The following ARHGEF40 variants were observed in gnomAD, a reference collection of about 807,000 sequenced individuals.
ARHGEF40 encodes the protein Rho guanine nucleotide exchange factor (GEF) 40.
In ARHGEF40, 98 loss-of-function variants were observed where a neutral mutation model predicts 165.9. The observed-to-expected ratio is 0.59, with a 90% CI of 0.50 to 0.70. The LOEUF is 0.70. ARHGEF40 is among the 30% of genes least tolerant of loss of function. ARHGEF40 has a pLI of 0.00. For synonymous variants in ARHGEF40, 792 were observed against 814.3 expected, an observed-to-expected ratio of 0.97 and a Z score of 0.47; for missense variants, 1,815 against 1,968.0, an observed-to-expected ratio of 0.92 and a Z score of 1.47.
At chr14:21,062,051 T>G in the ARHGEF40 span, among the ~76,000 whole-genome samples, 1 of 152,218 alleles carries the variant, frequency 6.6e-6, no homozygotes, top group Non-Finnish European at 1.5e-5. Context: ...TGAATACAAT[T>G]CTTTAAAGTG....
In ARHGEF40 at chr14:21,072,572, G is replaced by A. The variant is rs1210157261; in HGVS notation, c.4-473G>A. Among the ~76,000 whole-genome samples, 1 of 152,158 alleles carries A rather than the reference G, an allele frequency of 6.6e-6. No homozygotes were observed. The highest frequency in any genetic ancestry group is 1.5e-5 in the Non-Finnish European group (1 of 68,030). On this transcript the variant is annotated intron_variant, in intron 1 of 23. Coordinates refer to ENST00000298694, the MANE Select transcript of ARHGEF40 (RefSeq NM_018071.5). This position sits in a 1 kb window ranked among gnomAD's most constrained non-coding sequence, Gnocchi z 4.1. The stretch of plus-strand genomic sequence containing the variant: ...TCATCTCTGGGACATAATTGTGGGT[G>A]ATGGCACCTCCACCTAAGATGGGGA...
At position 21,089,872 on chromosome 14, in the gene ARHGEF40, G is replaced by A. The variant is rs894406676; in HGVS notation, c.*864G>A. ...AAATGAGGTCCTCAGGCCACAGTGCGTGAGAACTTGCTTGGCTGTTTGTTA... is the reference window on the plus strand; with the variant it reads ...AAATGAGGTCCTCAGGCCACAGTGCATGAGAACTTGCTTGGCTGTTTGTTA... On this transcript the variant is annotated 3_prime_UTR_variant, in exon 24 of 24. Coordinates refer to ENST00000298694, the MANE Select transcript of ARHGEF40 (RefSeq NM_018071.5). 7 of 200,354 alleles carry A rather than the reference G, an allele frequency of 3.5e-5. No individual in the cohort carries two copies. The highest frequency in any genetic ancestry group is 8.0e-5 in the South Asian group (1 of 12,498). The allele number at this position is 200,354 out of a possible 1,614,324, so 12.4% of individuals were successfully genotyped here.
Position 21,081,796 on chromosome 14 carries a change from AG to A in ARHGEF40, c.2932del (p.Ala978ProfsTer59). The A allele has an allele frequency of 6.2e-7, 1 of 1,600,380 alleles. No individual in the cohort carries two copies. The highest frequency in any genetic ancestry group is 8.5e-7 in the Non-Finnish European group (1 of 1,174,720). On this transcript the variant is annotated frameshift_variant, in exon 14 of 24. Coordinates refer to ENST00000298694, the MANE Select transcript of ARHGEF40 (RefSeq NM_018071.5). LOFTEE classifies it high-confidence loss of function. ...GGCGGGCAGACGGTGCCAGCAGTGG[AG>A]GGGCCCAGTGGGGGCCCCGCAGCCC... ...RRRADGASSG[G>X]AQWGPRSPSP...
At chr14:21,084,672 C>A in intron 17 of ARHGEF40, 81 bp from the exon 18 acceptor site, 1 of 1,474,696 alleles carries the variant, frequency 6.8e-7, no homozygotes, top group South Asian at 1.3e-5. Context: ...AGGCCACTTG[C>A]CCTATAAATC....
At position 21,074,909 on chromosome 14, in the gene ARHGEF40, A is replaced by T; in HGVS notation, c.1179A>T (p.Arg393=). 6.2e-7 allele frequency: 1 copy of T among 1,608,418 alleles called. No individual in the cohort carries two copies. Among genetic ancestry groups the T allele is most frequent in the South Asian group, 1.1e-5 (1 of 90,478 alleles). The change falls in exon 3 of 24, where the codon CGA becomes CGT. Residue 393 remains arginine, a synonymous_variant. Transcript: ENST00000298694. The surrounding 1 kb of genome is among the most constrained non-coding windows in gnomAD (Gnocchi z 4.8). ...KRAAGRGALS[R]GGDSAPLSPG... ...CTGCAGGTCGAGGGGCTCTTAGCCG[A>T]GGAGGGGACAGTGCCCCACTGAGCC...
Position 21,086,997 on chromosome 14 carries a change from C to A in ARHGEF40, c.4139-4C>A. ...AGTTGGTAACAAGTGTCCCTATTCC[C>A]CAGAGCTCCGAGTGCAGCAGATGGT... On this transcript the variant is annotated splice_region_variant and splice_polypyrimidine_tract_variant and intron_variant, in intron 19 of 23. Transcript: ENST00000298694. The A allele has an allele frequency of 6.3e-7, 1 of 1,595,244 alleles. No individual in the cohort carries two copies. The highest frequency in any genetic ancestry group is 8.5e-7 in the Non-Finnish European group (1 of 1,170,388).
At chr14:21,085,064 G>A (rs746336040) in intron 18 of ARHGEF40, 141 bp downstream of exon 18, 13 of 1,079,652 alleles carry the variant, frequency 1.2e-5, no homozygotes, top group African/African-American at 4.8e-5. Context: ...ATCGACTATC[G>A]AGTTAGGGTG....
At chr14:21,066,255 CA>C (rs1566512780), upstream of ARHGEF40, among the ~76,000 whole-genome samples, 1 of 150,536 alleles carries the variant, frequency 6.6e-6, no homozygotes, top group Non-Finnish European at 1.5e-5. Flanking sequence ...AATCATGATG[CA>C]AATGGAAAGC....
chr14:21,088,180 G>C, intron 22 of ARHGEF40, 82 bp downstream of exon 22: 9 of 1,463,982 alleles, frequency 6.1e-6, no homozygotes, highest in Non-Finnish European at 8.2e-6. Flanking sequence ...TTCAACCCCA[G>C]GGGGGTTGGG....
Position 21,070,731 on chromosome 14 carries a change from C to T in ARHGEF40, c.3+332C>T. On this transcript the variant is annotated intron_variant, in intron 1 of 23. Coordinates refer to ENST00000298694, the MANE Select transcript of ARHGEF40 (RefSeq NM_018071.5). The surrounding 1 kb of genome is among the most constrained non-coding windows in gnomAD (Gnocchi z 4.7). ...CTTCCTTTCCTGGAGCTTCCCTCCC[C>T]CTCCTGGTCCGAGCTCCTTACCCGC... 2 of 1,352,956 alleles carry T rather than the reference C, an allele frequency of 1.5e-6. No individual in the cohort carries two copies. Among genetic ancestry groups the T allele is most frequent in the South Asian group, 1.3e-5 (1 of 79,380 alleles). The allele number at this position is 1,352,956 out of a possible 1,614,324, so 83.8% of individuals were successfully genotyped here.
intron 13 of ARHGEF40, 189 bp from the exon 14 acceptor site, chr14:21,081,320 G>T (rs1594569780): frequency 2.3e-6 from 2 of 853,190 alleles, no homozygotes; most frequent in South Asian, 3.6e-5. Context: ...TTTTATATAG[G>T]CTCTTCCATC....
At chr14:21,065,350 C>G (rs958399063), upstream of ARHGEF40, among the ~76,000 whole-genome samples, 5 of 152,156 alleles carry the variant, frequency 3.3e-5, no homozygotes, top group Middle Eastern at 3.2e-3. Context: ...TCACTTGTTC[C>G]CAAAACCATT....
At position 21,081,715 on chromosome 14, in the gene ARHGEF40, G is replaced by A. The variant is rs751339637; in HGVS notation, c.2847G>A (p.Glu949=). 12 of 1,578,634 alleles carry A rather than the reference G, an allele frequency of 7.6e-6. No homozygotes were observed. The South Asian group carries it at 1.0e-4, about 13-fold the overall frequency. ...GRCQARCQEL[E]RRIQQHVGEE... is the part of the protein sequence containing the mutation. Reference sequence around the variant, plus strand: ...GCCAGGCCCGCTGCCAAGAGCTAGAGAGGAGGATCCAGCAACACGTGGGAG... The same window carrying A: ...GCCAGGCCCGCTGCCAAGAGCTAGAAAGGAGGATCCAGCAACACGTGGGAG... Residue 949 remains glutamate (E), a synonymous_variant, in exon 14 of 24, where the codon GAG becomes GAA. Transcript: ENST00000298694.
chr14:21,081,370 TG>T, intron 13 of ARHGEF40, 138 bp from the exon 14 acceptor site: 1 of 1,244,448 alleles, frequency 8.0e-7, no homozygotes, highest in South Asian at 1.4e-5. Flanking sequence ...GCAGTGATGG[TG>T]GAACAGTGAG....
rs1172402784 is a variant in ARHGEF40, at chr14:21,074,189, C to T, written c.459C>T (p.Ile153=). 5 of 1,614,138 alleles carry T rather than the reference C, an allele frequency of 3.1e-6. No homozygotes were observed. In the South Asian group the frequency reaches 4.4e-5, roughly 14 times the overall value. Residue 153 remains isoleucine (I), a synonymous_variant, in exon 3 of 24, where the codon ATC becomes ATT. Transcript: ENST00000298694. The surrounding 1 kb of genome is among the most constrained non-coding windows in gnomAD (Gnocchi z 4.8). ...YLFTPEWLQG[I]NKDRPTGRLS... is the part of the protein sequence containing the mutation. ...TCACACCTGAGTGGCTACAAGGCAT[C>T]AACAAGGACCGGCCAACAGGTCGCC...
At chr14:21,071,437 G>GAGGGAA (rs1220996639) in intron 1 of ARHGEF40, among the ~76,000 whole-genome samples, 3 of 152,154 alleles carry the variant, frequency 2.0e-5, no homozygotes, top group Non-Finnish European at 2.9e-5. Flanking sequence ...GGGCACTACT[G>GAGGGAA]GGGCCGCCCC....
chr14:21,070,380 C>A lies in ARHGEF40; in HGVS notation c.-17C>A. On this transcript the variant is annotated 5_prime_UTR_variant, in exon 1 of 24. Transcript: ENST00000298694. This position sits in a 1 kb window ranked among gnomAD's most constrained non-coding sequence, Gnocchi z 4.7. ...CGCCCGCCCGACCAAGCGTCGGACG[C>A]GGCCCGGCGCCGAGCCATGGTGAGT... 1 of 1,405,640 alleles carries A rather than the reference C, an allele frequency of 7.1e-7. No homozygotes were observed. Among genetic ancestry groups the A allele is most frequent in the Admixed American group, 3.4e-5 (1 of 29,238 alleles). 87.1% of individuals were successfully genotyped at this position (1,405,640 alleles called of 1,614,324 possible).
rs750253741 is a variant in ARHGEF40, at chr14:21,072,619, G to C, written c.4-426G>C. 6.6e-6 allele frequency among the ~76,000 whole-genome samples: 1 copy of C among 152,152 alleles called. No homozygotes were observed. The highest frequency in any genetic ancestry group is 1.5e-5 in the Non-Finnish European group (1 of 68,026). The stretch of plus-strand genomic sequence containing the variant: ...GGGAGCCCTGGATGGTGGGTCTTAT[G>C]GGAAGGGATTTGCAGGATGGCTGTG... On this transcript the variant is annotated intron_variant, in intron 1 of 23. Transcript: ENST00000298694. The surrounding 1 kb of genome is among the most constrained non-coding windows in gnomAD (Gnocchi z 4.1).
rs756304957 is a variant in ARHGEF40, at chr14:21,081,782, G to A, written c.2914G>A (p.Gly972Ser). The change falls in exon 14 of 24, where the codon GGT becomes AGT. Residue 972 changes from glycine (G) to serine (S), a missense_variant. Gly to Ser is a moderately conservative substitution (Grantham distance 56). Transcript: ENST00000298694. ...PRGYRRRRADGASSGGAQWGP... is the reference protein window; with the variant it reads ...PRGYRRRRADSASSGGAQWGP... ...GGGCTACCGACGACGGCGGGCAGAC[G>A]GTGCCAGCAGTGGAGGGGCCCAGTG... 2.8e-5 allele frequency: 45 copies of A among 1,595,278 alleles called. No individual in the cohort carries two copies. Among genetic ancestry groups the A allele is most frequent in the Admixed American group, 2.1e-4 (12 of 57,418 alleles).
Sources: allele counts gnomAD v4.1 joint callset (sites outside exome capture counted in the v4.1 genomes callset), GRCh38; gene constraint gnomAD v4.1.1; non-coding constraint Gnocchi (gnomAD v3.1); transcripts MANE v1.5; gene names NCBI Gene and HGNC (gene_info 2026-07-23, HGNC 2026-07-21).